The following SETBP1 variants were observed in gnomAD, a reference collection of about 807,000 sequenced individuals.
The protein encoded by SETBP1 is SET binding protein 1.
In SETBP1, 9 loss-of-function variants were observed where a neutral mutation model predicts 101.0. The observed-to-expected ratio is 0.09, with a 90% CI of 0.05 to 0.16. The LOEUF is 0.16. SETBP1 is among the 10% of genes least tolerant of loss of function. SETBP1 has a pLI of 1.00. For synonymous variants in SETBP1, 818 were observed against 788.5 expected, an observed-to-expected ratio of 1.04 and a Z score of -0.63; for missense variants, 1,858 against 2,033.8, an observed-to-expected ratio of 0.91 and a Z score of 1.66.
chr18:44,740,071 G>A (rs963318480), intron 2 of SETBP1, among the ~76,000 whole-genome samples: 12 of 152,214 alleles, frequency 7.9e-5, no homozygotes, highest in Non-Finnish European at 1.6e-4. Flanking sequence ...ACCAGGACCT[G>A]CCAAGGTGAA....
At chr18:44,704,196 T>C (rs1345536145) in intron 2 of SETBP1, among the ~76,000 whole-genome samples, 1 of 152,228 alleles carries the variant, frequency 6.6e-6, no homozygotes, top group Non-Finnish European at 1.5e-5. Context: ...TCGGGATGAT[T>C]TCAAAGCTGA....
chr18:44,842,937 C>A (rs2072648618), intron 2 of SETBP1, among the ~76,000 whole-genome samples: 2 of 152,344 alleles, frequency 1.3e-5, no homozygotes, highest in South Asian at 4.1e-4. Flanking sequence ...CTTGAGCTGG[C>A]AGAGCCATGG....
intron 2 of SETBP1, among the ~76,000 whole-genome samples, chr18:44,848,072 G>GGTGT (rs4024595): frequency 0.043 from 6,344 of 148,568 alleles, 196 homozygotes; most frequent in African/African-American, 0.092. Context: ...ACTCTCTGAA[G>GGTGT]GTGTGTGTGT....
chr18:44,912,668 C>T (rs1157333727), intron 3 of SETBP1, among the ~76,000 whole-genome samples: 6 of 152,136 alleles, frequency 3.9e-5, no homozygotes, highest in Non-Finnish European at 4.4e-5. Flanking sequence ...CCACCCACCT[C>T]AGCCTCCTAA....
At chr18:44,800,775 A>G (rs536282909) in intron 2 of SETBP1, among the ~76,000 whole-genome samples, 1 of 152,274 alleles carries the variant, frequency 6.6e-6, no homozygotes, top group East Asian at 1.9e-4. Context: ...ACCGGGAGAG[A>G]AAATTACTGT....
intron 3 of SETBP1, among the ~76,000 whole-genome samples, chr18:44,919,845 G>T (rs552622529): frequency 1.2e-4 from 18 of 151,772 alleles, no homozygotes; most frequent in Non-Finnish European, 2.5e-4. Context: ...ATTACATATA[G>T]GTTTGTATGT....
intron 2 of SETBP1, among the ~76,000 whole-genome samples, chr18:44,803,270 G>A (rs1003914383): frequency 2.0e-5 from 3 of 152,172 alleles, no homozygotes; most frequent in Non-Finnish European, 4.4e-5. Context: ...TATAAACACA[G>A]TGGAGTTCTG....
intron 4 of SETBP1, 85 bp from the exon 5 acceptor site, chr18:45,038,400 T>C: frequency 4.8e-6 from 6 of 1,237,672 alleles, no homozygotes; most frequent in Non-Finnish European, 7.1e-6. Flanking sequence ...ATTTGACCAT[T>C]TCCTCAGATC....
chr18:44,854,170 G>A (rs778429800), intron 2 of SETBP1, among the ~76,000 whole-genome samples: 8 of 151,794 alleles, frequency 5.3e-5, no homozygotes, highest in Non-Finnish European at 1.0e-4. Context: ...TGCATCACAA[G>A]GCCTGGCACT....
chr18:44,863,421 G>T (rs2069057902), intron 2 of SETBP1, among the ~76,000 whole-genome samples: 1 of 152,186 alleles, frequency 6.6e-6, no homozygotes, highest in Non-Finnish European at 1.5e-5. Flanking sequence ...TTCATCTCAA[G>T]CAGCCCCCTG....
chr18:45,027,003 T>G (rs1344551172), intron 4 of SETBP1, among the ~76,000 whole-genome samples: 1 of 152,196 alleles, frequency 6.6e-6, no homozygotes, highest in Non-Finnish European at 1.5e-5. Context: ...TTAAAACCTT[T>G]AACTTGGGAT....
At chr18:45,051,015 T>C (rs2073712048) in intron 5 of SETBP1, among the ~76,000 whole-genome samples, 1 of 152,212 alleles carries the variant, frequency 6.6e-6, no homozygotes, top group African/African-American at 2.4e-5. Context: ...GCTTTACATA[T>C]GGAAAGTTCA....
At chr18:44,962,334 G>C (rs1371730189) in intron 4 of SETBP1, among the ~76,000 whole-genome samples, 2 of 152,160 alleles carry the variant, frequency 1.3e-5, no homozygotes, top group Non-Finnish European at 2.9e-5. Flanking sequence ...ATGGAAGTTA[G>C]CAGTTGAGTG....
At chr18:45,019,315 T>A (rs2073010992) in intron 4 of SETBP1, among the ~76,000 whole-genome samples, 1 of 152,218 alleles carries the variant, frequency 6.6e-6, no homozygotes, top group Non-Finnish European at 1.5e-5. Context: ...GTTTGGGGAA[T>A]ACAGTCGGGG....
chr18:44,761,281 ATTTTC>A (rs2070636773), intron 2 of SETBP1, among the ~76,000 whole-genome samples: 1 of 152,074 alleles, frequency 6.6e-6, no homozygotes, highest in African/African-American at 2.4e-5. Context: ...AGCATTCAAA[ATTTTC>A]TTTTCTAGCT....
At chr18:44,806,843 T>C (rs1181561696) in intron 2 of SETBP1, among the ~76,000 whole-genome samples, 1 of 151,802 alleles carries the variant, frequency 6.6e-6, no homozygotes, top group East Asian at 1.9e-4. Flanking sequence ...GGCTTGGTAA[T>C]GGTGCTTTAA....
chr18:44,816,278 C>T (rs774427327), intron 2 of SETBP1, among the ~76,000 whole-genome samples: 3 of 151,908 alleles, frequency 2.0e-5, no homozygotes, highest in Non-Finnish European at 2.9e-5. Flanking sequence ...GAGAGGAGAG[C>T]GAAGGGGAGG....
chr18:44,801,230 T>A (rs2071601346), intron 2 of SETBP1, among the ~76,000 whole-genome samples: 1 of 151,868 alleles, frequency 6.6e-6, no homozygotes, highest in South Asian at 2.1e-4. Context: ...TGTATACATA[T>A]GTAACAAACC....
At chr18:44,885,842 TAAAA>T (rs3062865) in intron 3 of SETBP1, among the ~76,000 whole-genome samples, 2 of 45,124 alleles carry the variant, frequency 4.4e-5, no homozygotes, top group Admixed American at 2.6e-4. Context: ...CCCATTTCAT[TAAAA>T]AAAAAAAAAA....
Sources: allele counts gnomAD v4.1 joint callset (sites outside exome capture counted in the v4.1 genomes callset), GRCh38; gene constraint gnomAD v4.1.1; transcripts MANE v1.5; gene names NCBI Gene and HGNC (gene_info 2026-07-23, HGNC 2026-07-21).